Variants in CORO2B observed in about 807,000 individuals in gnomAD.
The protein encoded by CORO2B is coronin-2B.
In CORO2B, 26 loss-of-function variants were observed where a neutral mutation model predicts 58.8. The ratio of observed to expected loss-of-function variants is 0.44; its 90% confidence interval spans 0.32 to 0.61. The LOEUF is 0.61. CORO2B is among the 20% of genes least tolerant of loss of function. CORO2B has a pLI of 0.04. For synonymous variants in CORO2B, 242 were observed against 253.8 expected (o/e 0.95, Z 0.44); for missense variants, 460 against 645.1 (o/e 0.71, Z 3.11).
chr15:68,581,456 C>T (rs1235712359), intron 1 of CORO2B, among the ~76,000 whole-genome samples: 1 of 152,194 alleles, frequency 6.6e-6, no homozygotes, highest in Non-Finnish European at 1.5e-5. Flanking sequence ...TCTTCCAGTA[C>T]CATAGGGAAA....
chr15:68,722,915 A>G (rs987818551), intron 11 of CORO2B, among the ~76,000 whole-genome samples: 18 of 152,016 alleles, frequency 1.2e-4, no homozygotes, highest in African/African-American at 4.3e-4. Context: ...TAAAAATACA[A>G]AATTAGCCAG....
intron 3 of CORO2B, among the ~76,000 whole-genome samples, chr15:68,697,914 A>G (rs1892552652): frequency 6.6e-6 from 1 of 152,168 alleles, no homozygotes; most frequent in African/African-American, 2.4e-5. Flanking sequence ...AGGGAGCCCA[A>G]GAAGGAATGC....
chr15:68,550,835 G>A, the CORO2B span, among the ~76,000 whole-genome samples: 2 of 152,150 alleles, frequency 1.3e-5, no homozygotes, highest in Non-Finnish European at 1.5e-5. Context: ...GGGACCCCAA[G>A]ACTAAAATGG....
chr15:68,646,128 C>T (rs573934159), intron 2 of CORO2B, among the ~76,000 whole-genome samples: 4 of 152,186 alleles, frequency 2.6e-5, no homozygotes, highest in Admixed American at 6.5e-5. Context: ...AATTTACCTT[C>T]TTCCCCATCC....
chr15:68,605,721 T>G (rs940634229), intron 1 of CORO2B, among the ~76,000 whole-genome samples: 2,683 of 126,946 alleles, frequency 0.021, 137 homozygotes, highest in African/African-American at 0.073. Context: ...GTTTTTTTTT[T>G]TTTTTTTTTT....
intron 2 of CORO2B, among the ~76,000 whole-genome samples, chr15:68,691,674 T>G (rs1006366141): frequency 6.6e-6 from 1 of 151,920 alleles, no homozygotes; most frequent in Non-Finnish European, 1.5e-5. Context: ...TCAAGCTTTT[T>G]TTTTAAGCAA....
chr15:68,642,358 C>T (rs930638146), intron 1 of CORO2B, among the ~76,000 whole-genome samples: 2 of 151,958 alleles, frequency 1.3e-5, no homozygotes, highest in Non-Finnish European at 2.9e-5. Flanking sequence ...CCTGCGGTGA[C>T]GTCTGCACTG....
chr15:68,543,208 G>A, the CORO2B span, among the ~76,000 whole-genome samples: 1 of 152,170 alleles, frequency 6.6e-6, no homozygotes, highest in Admixed American at 6.5e-5. Flanking sequence ...TCAAAGACTG[G>A]CTCTCACTGG....
At chr15:68,708,652 G>A (rs549065788) in intron 3 of CORO2B, among the ~76,000 whole-genome samples, 2 of 151,784 alleles carry the variant, frequency 1.3e-5, no homozygotes, top group East Asian at 1.9e-4. Context: ...GTGAGCCACC[G>A]TGCCTGGCCC....
intron 8 of CORO2B, among the ~76,000 whole-genome samples, chr15:68,717,355 G>C (rs1018564343): frequency 6.6e-6 from 1 of 152,090 alleles, no homozygotes; most frequent in Non-Finnish European, 1.5e-5. Flanking sequence ...AGAGAGAATG[G>C]ATTTGGGAGG....
the CORO2B span, among the ~76,000 whole-genome samples, chr15:68,529,821 T>C: frequency 5.9e-5 from 9 of 152,230 alleles, no homozygotes; most frequent in Non-Finnish European, 1.2e-4. Context: ...ACCATATCTA[T>C]ATGTCACAAA....
chr15:68,547,632 G>A, the CORO2B span, among the ~76,000 whole-genome samples: 125 of 152,122 alleles, frequency 8.2e-4, 1 homozygote, highest in African/African-American at 2.8e-3. Context: ...GTGAGCCACC[G>A]CACCCGGCCT....
chr15:68,709,416 A>G (rs1433629670), intron 3 of CORO2B, among the ~76,000 whole-genome samples: 1 of 147,514 alleles, frequency 6.8e-6, no homozygotes, highest in African/African-American at 2.5e-5. Flanking sequence ...TCTCCTTACT[A>G]GCAAGGGTGG....
chr15:68,607,380 T>C, intron 1 of CORO2B, among the ~76,000 whole-genome samples: 1 of 152,154 alleles, frequency 6.6e-6, no homozygotes, highest in East Asian at 1.9e-4. Context: ...CATGATGACT[T>C]GGGGCTCCAG....
chr15:68,579,396 G>A, intron 1 of CORO2B, 119 bp downstream of exon 1: 1 of 1,007,234 alleles, frequency 9.9e-7, no homozygotes, highest in Non-Finnish European at 1.2e-6. Flanking sequence ...GGAAGGTGCG[G>A]CGCGCGCCTC....
At chr15:68,676,638 C>T (rs1902595400) in intron 2 of CORO2B, among the ~76,000 whole-genome samples, 1 of 152,246 alleles carries the variant, frequency 6.6e-6, no homozygotes, top group Admixed American at 6.5e-5. Flanking sequence ...TTCCCAAGTC[C>T]TGCTGTCACC....
chr15:68,634,604 C>T (rs74958246), intron 1 of CORO2B, among the ~76,000 whole-genome samples: 1 of 152,158 alleles, frequency 6.6e-6, no homozygotes, highest in African/African-American at 2.4e-5. Flanking sequence ...AGTCTGGTTC[C>T]GGGACCAATA....
intron 2 of CORO2B, among the ~76,000 whole-genome samples, chr15:68,647,422 G>T (rs1319449924): frequency 6.6e-6 from 1 of 152,192 alleles, no homozygotes; most frequent in Non-Finnish European, 1.5e-5. Flanking sequence ...GGACACGGTG[G>T]CTCACGTCTG....
chr15:68,678,591 T>A (rs1479027044), intron 2 of CORO2B, among the ~76,000 whole-genome samples: 1 of 152,108 alleles, frequency 6.6e-6, no homozygotes, highest in East Asian at 1.9e-4. Context: ...GGAGAATCAT[T>A]TGAACCCAGG....
Sources: allele counts gnomAD v4.1 joint callset (sites outside exome capture counted in the v4.1 genomes callset), GRCh38; gene constraint gnomAD v4.1.1; transcripts MANE v1.5; gene names NCBI Gene and HGNC (gene_info 2026-07-23, HGNC 2026-07-21).